PLA2G5: variants seen among roughly 807,000 people sequenced by gnomAD.
PLA2G5 encodes phospholipase A2 group V, also known as Ca2+-dependent phospholipase A2.
PLA2G5 carries 12 observed loss-of-function variants against 15.9 expected under a neutral mutation model. The observed-to-expected ratio is 0.76, with a 90% CI of 0.48 to 1.23. The LOEUF (loss-of-function observed/expected upper bound fraction) is 1.23. PLA2G5 is among the 50% of genes most tolerant of loss of function. PLA2G5 has a pLI of 0.00. For missense variants in PLA2G5, 169 were observed against 177.1 expected, an observed-to-expected ratio of 0.95 and a Z score of 0.26; for synonymous variants, 71 against 71.4, an observed-to-expected ratio of 0.99 and a Z score of 0.03.
intron 1 of PLA2G5, 111 bp from the exon 2 acceptor site, chr1:20,084,710 C>A: frequency 2.6e-6 from 2 of 762,354 alleles, no homozygotes; most frequent in South Asian, 1.5e-5. Flanking sequence ...TATTGCCCAC[C>A]ATGACGGGGA....
At position 20,072,579 on chromosome 1, in the gene PLA2G5, G is replaced by A. The variant is rs189937190; in HGVS notation, c.-11+2114G>A. On this transcript the variant is annotated intron_variant, in intron 1 of 4. Coordinates refer to ENST00000375108, the MANE Select transcript of PLA2G5 (RefSeq NM_000929.3). ...ACATCCAGCTTATTCCCAGGAATGC[G>A]TTAGGGGTGGTATAAGGCAAGGCTG... 2.2e-4 allele frequency among the ~76,000 whole-genome samples: 34 copies of A among 152,288 alleles called. No individual in the cohort carries two copies. The South Asian group carries it at 4.6e-3, about 20-fold the overall frequency.
intron 1 of PLA2G5, among the ~76,000 whole-genome samples, chr1:20,040,071 A>G (rs1189871388): frequency 6.6e-6 from 1 of 151,296 alleles, no homozygotes; most frequent in Non-Finnish European, 1.5e-5. Context: ...ATAGACAAGA[A>G]TATCATTAAA....
At chr1:20,031,625 C>T (rs1015707557) in intron 1 of PLA2G5, among the ~76,000 whole-genome samples, 1 of 150,468 alleles carries the variant, frequency 6.6e-6, no homozygotes, top group Admixed American at 6.6e-5. Flanking sequence ...TTGTTAAGTG[C>T]CGCTAGGTTA....
intron 1 of PLA2G5, among the ~76,000 whole-genome samples, chr1:20,030,775 T>C (rs780424835): frequency 6.6e-6 from 1 of 152,172 alleles, no homozygotes; most frequent in Non-Finnish European, 1.5e-5. Flanking sequence ...TGATGACTTT[T>C]ACCAAGCATA....
intron 1 of PLA2G5, among the ~76,000 whole-genome samples, chr1:20,036,752 G>C (rs886184224): frequency 7.9e-5 from 12 of 152,116 alleles, no homozygotes. Context: ...TGCAACCTCT[G>C]CCTCCTGGGT....
chr1:20,084,898 T>G (rs1213640833), intron 2 of PLA2G5, 28 bp downstream of exon 2: 22 of 1,544,706 alleles, frequency 1.4e-5, no homozygotes, highest in Non-Finnish European at 2.0e-5. Context: ...GACCTTCGAA[T>G]GAACTTTTAC....
intron 1 of PLA2G5, among the ~76,000 whole-genome samples, chr1:20,071,125 AT>A (rs1227173840): frequency 9.9e-5 from 15 of 151,196 alleles, no homozygotes; most frequent in African/African-American, 2.4e-4. Context: ...GGTGTGAGTC[AT>A]TTTTTTTTCT....
At chr1:20,035,524 A>G (rs536053170) in intron 1 of PLA2G5, among the ~76,000 whole-genome samples, 74 of 152,344 alleles carry the variant, frequency 4.9e-4, no homozygotes, top group African/African-American at 1.6e-3. Context: ...ACAATCTGAT[A>G]TAAGAATAGC....
intron 3 of PLA2G5, among the ~76,000 whole-genome samples, chr1:20,087,994 A>G (rs759746814): frequency 6.6e-6 from 1 of 152,232 alleles, no homozygotes; most frequent in Non-Finnish European, 1.5e-5. Context: ...ATGTCTAACC[A>G]GTACCCCCTC....
At chr1:20,058,345 T>C (rs2014540780) in intron 1 of PLA2G5, among the ~76,000 whole-genome samples, 2 of 152,240 alleles carry the variant, frequency 1.3e-5, no homozygotes, top group African/African-American at 2.4e-5. Flanking sequence ...TTATGTCTTC[T>C]TGAAAAATCG....
intron 1 of PLA2G5, among the ~76,000 whole-genome samples, chr1:20,072,251 T>G (rs1422692360): frequency 1.3e-5 from 2 of 152,352 alleles, no homozygotes; most frequent in South Asian, 2.1e-4. Flanking sequence ...TACATTTTAC[T>G]TATTCGCTTG....
Position 20,086,189 on chromosome 1 carries a change from C to T in PLA2G5, c.147C>T (p.Gly49=). Residue 49 remains glycine (G), a synonymous_variant, in exon 3 of 5, where the codon GGC becomes GGT. Transcript: ENST00000375108. ...ACGGCTTCTACGGCTGTTACTGCGG[C>T]TGGGGCGGCCGAGGAACCCCCAAGG... ...TNYGFYGCYC[G]WGGRGTPKDG... is the part of the protein sequence containing the mutation. The T allele has an allele frequency of 2.5e-6, 4 of 1,614,170 alleles. No individual in the cohort carries two copies. The highest frequency in any genetic ancestry group is 2.7e-5 in the African/African-American group (2 of 75,040).
At chr1:20,050,671 G>A (rs2014136941) in intron 1 of PLA2G5, among the ~76,000 whole-genome samples, 1 of 152,130 alleles carries the variant, frequency 6.6e-6, no homozygotes, top group South Asian at 2.1e-4. Flanking sequence ...TTATAGTTTG[G>A]AAAATGAAGT....
intron 1 of PLA2G5, among the ~76,000 whole-genome samples, chr1:20,080,982 A>G (rs1223300143): frequency 6.6e-6 from 1 of 151,830 alleles, no homozygotes; most frequent in East Asian, 1.9e-4. Context: ...CCTTCCGTGC[A>G]ATGAGGCTCC....
intron 2 of PLA2G5, among the ~76,000 whole-genome samples, chr1:20,085,726 A>AAATTTACAT (rs1384468581): frequency 2.0e-5 from 3 of 152,326 alleles, no homozygotes; most frequent in Non-Finnish European, 4.4e-5. Flanking sequence ...ACCGTGCTCA[A>AAATTTACAT]AATTTACATA....
rs530545938 is a variant in PLA2G5 at position 20,039,220 on chromosome 1, T to C, written n.276+10511T>C. Reference sequence around the variant, plus strand: ...TTTGCTCCAGAGGAGAGGGCTTCTCTGAGAAATTCCTCAATGAAATTGTTT... The same window carrying C: ...TTTGCTCCAGAGGAGAGGGCTTCTCCGAGAAATTCCTCAATGAAATTGTTT... On this transcript the variant is annotated intron_variant and non_coding_transcript_variant, in intron 1 of 6. Transcript: ENST00000460175. Among the ~76,000 whole-genome samples the C allele has an allele frequency of 3.7e-4, 57 of 152,326 alleles. No homozygotes were observed. In the South Asian group the frequency reaches 5.8e-3, roughly 16 times the overall value.
At chr1:20,064,748 G>A (rs1306142275) in intron 2 of PLA2G5, among the ~76,000 whole-genome samples, 2 of 152,130 alleles carry the variant, frequency 1.3e-5, no homozygotes, top group Non-Finnish European at 2.9e-5. Flanking sequence ...GAAAAAGAAA[G>A]AAAACAGAGT....
At chr1:20,074,800 C>T (rs533916607) in intron 1 of PLA2G5, among the ~76,000 whole-genome samples, 15 of 152,328 alleles carry the variant, frequency 9.8e-5, no homozygotes, top group African/African-American at 3.4e-4. Flanking sequence ...GTGTTGGTTC[C>T]GCAATCTGGA....
intron 1 of PLA2G5, among the ~76,000 whole-genome samples, chr1:20,059,212 C>T (rs974252917): frequency 4.0e-5 from 6 of 151,294 alleles, no homozygotes; most frequent in South Asian, 2.1e-4. Context: ...GCAGGAGGAT[C>T]GCTTGAGCTC....
Sources: gnomAD v4.1 joint callset for allele counts (sites outside exome capture counted in the v4.1 genomes callset) on GRCh38, gnomAD v4.1.1 for gene constraint, MANE v1.5 for transcripts, NCBI Gene and HGNC (gene_info 2026-07-23, HGNC 2026-07-21) for gene names.